Variants in PRDM11 observed in about 807,000 individuals in gnomAD.
The protein encoded by PRDM11 is PR/SET domain 11, also known as PR domain-containing protein 11.
A neutral mutation model predicts 97.8 loss-of-function variants in PRDM11; 20 were observed. The observed-to-expected ratio is 0.20, with a 90% CI of 0.14 to 0.30. PRDM11 has a LOEUF of 0.30. PRDM11 is among the 10% of genes least tolerant of loss of function. The pLI is 1.00. For missense variants in PRDM11, 1,139 were observed against 1,555.2 expected (o/e 0.73, Z 4.50); for synonymous variants, 599 against 637.7 (o/e 0.94, Z 0.91).
At chr11:45,117,654 G>A (rs956167394) in intron 1 of PRDM11, among the ~76,000 whole-genome samples, 2 of 152,154 alleles carry the variant, frequency 1.3e-5, no homozygotes, top group African/African-American at 4.8e-5. Flanking sequence ...GGCTGAGGCT[G>A]GAGGATCACT....
At chr11:45,113,824 GTTT>G (rs1205157530) in intron 1 of PRDM11, among the ~76,000 whole-genome samples, 1,388 of 70,630 alleles carry the variant, frequency 0.02, 29 homozygotes, top group African/African-American at 0.06. Context: ...GTGTGTGTGT[GTTT>G]TGTTTTTTTT....
Position 45,181,744 on chromosome 11 carries a change from C to T in PRDM11, c.-6-17C>T. The T allele has an allele frequency of 6.2e-7, 1 of 1,601,534 alleles. No individual in the cohort carries two copies. Among genetic ancestry groups the T allele is most frequent in the South Asian group, 1.1e-5 (1 of 90,660 alleles). On this transcript the variant is annotated splice_polypyrimidine_tract_variant and intron_variant, in intron 1 of 7. Transcript: ENST00000683152. ...TTTGATCCTCTTCCTGTGCTGGTCC[C>T]ACCTCCTGCGTCCCAGGACAGAATG...
intron 5 of PRDM11, chr11:45,212,618 C>A (rs746807671): frequency 1.5e-5 from 7 of 456,284 alleles, no homozygotes; most frequent in Non-Finnish European, 2.6e-5. Flanking sequence ...GGGCCCCAAG[C>A]CAGAGGCCCT....
chr11:45,221,385 T>G (rs1458004941), intron 6 of PRDM11, among the ~76,000 whole-genome samples: 1 of 152,050 alleles, frequency 6.6e-6, no homozygotes, highest in Non-Finnish European at 1.5e-5. Flanking sequence ...CTTTGTTGAA[T>G]GGATAAAAGA....
intron 1 of PRDM11, among the ~76,000 whole-genome samples, chr11:45,169,288 G>T (rs1852144332): frequency 6.6e-6 from 1 of 152,212 alleles, no homozygotes. Flanking sequence ...GCATGCATCT[G>T]GTATAAAATT....
intron 1 of PRDM11, among the ~76,000 whole-genome samples, chr11:45,118,248 T>A (rs1265741657): frequency 6.6e-6 from 1 of 152,096 alleles, no homozygotes; most frequent in Admixed American, 6.6e-5. Context: ...AAAAACCAGG[T>A]GAAACCTAAA....
At chr11:45,152,502 A>G (rs1851683748) in intron 1 of PRDM11, among the ~76,000 whole-genome samples, 1 of 152,090 alleles carries the variant, frequency 6.6e-6, no homozygotes, top group African/African-American at 2.4e-5. Flanking sequence ...TCTGCCTCCC[A>G]TCATTTTAAT....
At chr11:45,204,603 G>A (rs1853441198) in intron 4 of PRDM11, 108 bp from the exon 5 acceptor site, 2 of 983,410 alleles carry the variant, frequency 2.0e-6, no homozygotes, top group South Asian at 2.7e-5. Context: ...TCAGGGGGAG[G>A]GGGAGGGAGC....
intron 4 of PRDM11, among the ~76,000 whole-genome samples, chr11:45,201,186 A>G (rs989885054): frequency 6.6e-6 from 1 of 152,244 alleles, no homozygotes; most frequent in African/African-American, 2.4e-5. Flanking sequence ...ATAGAAAATC[A>G]TCAGTCAAAT....
Position 45,228,016 on chromosome 11 carries a change from C to A in PRDM11, c.3391C>A (p.Arg1131=), listed in dbSNP as rs1280019762. ...GPPITNFDAK[R]ALDSWFEEKS... Reference sequence around the variant, plus strand: ...GCCAATCACCAACTTTGATGCCAAGCGAGCCCTGGACAGCTGGTTTGAGGA... The same window carrying A: ...GCCAATCACCAACTTTGATGCCAAGAGAGCCCTGGACAGCTGGTTTGAGGA... The change falls in exon 8 of 8, where the codon CGA becomes AGA. Residue 1131 remains arginine (R), a synonymous_variant. Coordinates refer to ENST00000683152, the MANE Select transcript of PRDM11 (RefSeq NM_001384648.1). 7 of 1,533,570 alleles carry A rather than the reference C, an allele frequency of 4.6e-6. No individual in the cohort carries two copies. The highest frequency in any genetic ancestry group is 2.0e-5 in the Admixed American group (1 of 50,964). 95.0% of individuals were successfully genotyped at this position (1,533,570 alleles called of 1,614,324 possible).
Position 45,228,423 on chromosome 11 carries a change from T to C in PRDM11, c.*264T>C, listed in dbSNP as rs2135862413. 6.5e-6 allele frequency: 1 copy of C among 153,572 alleles called. No individual in the cohort carries two copies. Among genetic ancestry groups the C allele is most frequent in the Admixed American group, 6.5e-5 (1 of 15,310 alleles). 9.5% of individuals were successfully genotyped at this position (153,572 alleles called of 1,614,324 possible). On this transcript the variant is annotated 3_prime_UTR_variant, in exon 8 of 8. Transcript: ENST00000683152. ...CTGCAACATACATGGCAACTCATTTTCACTCACAGAAGCACGTGCTGGGGC... is the reference window on the plus strand; with the variant it reads ...CTGCAACATACATGGCAACTCATTTCCACTCACAGAAGCACGTGCTGGGGC...
chr11:45,165,700 GT>G lies in PRDM11; in HGVS notation c.-6-16056del, dbSNP rs373518294. ...TTTCCCAGAAAAGCTGAACATCCAC[GT>G]TTTTACATGGAATCTTCTGTTTCTT... On this transcript the variant is annotated intron_variant, in intron 1 of 7. Coordinates refer to ENST00000683152, the MANE Select transcript of PRDM11 (RefSeq NM_001384648.1). Among the ~76,000 whole-genome samples the G allele has an allele frequency of 3.9e-4, 60 of 152,330 alleles. No individual in the cohort carries two copies. The South Asian group carries it at 0.011, about 28-fold the overall frequency.
chr11:45,178,613 C>T (rs1254801271), intron 1 of PRDM11, among the ~76,000 whole-genome samples: 1 of 152,208 alleles, frequency 6.6e-6, no homozygotes, highest in Non-Finnish European at 1.5e-5. Context: ...CAGTGGGACA[C>T]ATCAGAGGGA....
At chr11:45,095,796 G>T (rs1268459332), upstream of PRDM11, 2 of 747,618 alleles carry the variant, frequency 2.7e-6, no homozygotes, top group Non-Finnish European at 5.0e-6. Flanking sequence ...GGGTCACAAG[G>T]TAGGGTTCAA....
chr11:45,149,814 T>A (rs1434595675), intron 1 of PRDM11, among the ~76,000 whole-genome samples: 1 of 152,230 alleles, frequency 6.6e-6, no homozygotes, highest in East Asian at 1.9e-4. Flanking sequence ...AAACCTTTGC[T>A]GTTTTAAACT....
chr11:45,182,822 C>A (rs750876732), intron 3 of PRDM11, 39 bp from the exon 4 acceptor site: 2 of 1,537,520 alleles, frequency 1.3e-6, no homozygotes, highest in Non-Finnish European at 8.8e-7. Context: ...TACCTCCCTG[C>A]AACAACTGAG....
upstream of PRDM11, among the ~76,000 whole-genome samples, chr11:45,143,524 C>T (rs544850024): frequency 4.6e-4 from 70 of 152,152 alleles, 1 homozygote; most frequent in African/African-American, 1.3e-3. Flanking sequence ...TTGTGAGATA[C>T]GCTCAAGGGA....
chr11:45,163,930 C>G (rs1851995293), intron 1 of PRDM11, among the ~76,000 whole-genome samples: 1 of 152,178 alleles, frequency 6.6e-6, no homozygotes, highest in Admixed American at 6.5e-5. Flanking sequence ...CCAGGATCCA[C>G]TCCCCTCACC....
intron 1 of PRDM11, among the ~76,000 whole-genome samples, chr11:45,111,321 C>T (rs1281863592): frequency 1.2e-5 from 1 of 85,654 alleles, no homozygotes; most frequent in Admixed American, 1.1e-4. Flanking sequence ...TCTGGACTTA[C>T]GGGGTGCCCT....
Sources: gnomAD v4.1 joint callset for allele counts (sites outside exome capture counted in the v4.1 genomes callset) on GRCh38, gnomAD v4.1.1 for gene constraint, MANE v1.5 for transcripts, NCBI Gene and HGNC (gene_info 2026-07-23, HGNC 2026-07-21) for gene names.